Variants in PLCB1 observed in about 807,000 individuals in gnomAD.
The protein encoded by PLCB1 is 1-phosphatidylinositol 4,5-bisphosphate phosphodiesterase beta-1.
PLCB1 carries 46 observed loss-of-function variants against 161.8 expected under a neutral mutation model. The ratio of observed to expected loss-of-function variants is 0.28; its 90% CI spans 0.22 to 0.36. The LOEUF is 0.36. Among genes scored for constraint, PLCB1 ranks in the 10% least tolerant of loss-of-function variants. The pLI, the probability that PLCB1 is intolerant of heterozygous loss-of-function variation, is 1.00. For synonymous variants in PLCB1, 517 were observed against 503.7 expected (o/e 1.03, Z -0.35); for missense variants, 1,016 against 1,472.5 (o/e 0.69, Z 5.07).
At chr20:8,748,652 TA>T (rs1236268786) in intron 23 of PLCB1, among the ~76,000 whole-genome samples, 1 of 152,184 alleles carries the variant, frequency 6.6e-6, no homozygotes, top group African/African-American at 2.4e-5. Flanking sequence ...TCTCAAGTTT[TA>T]ATGTGCATAC....
At chr20:8,296,806 G>C (rs1160090315) in intron 2 of PLCB1, among the ~76,000 whole-genome samples, 6 of 152,080 alleles carry the variant, frequency 3.9e-5, no homozygotes, top group Admixed American at 2.0e-4. Flanking sequence ...CCTAGAGAAA[G>C]GTTATGAAAA....
chr20:8,230,775 G>A (rs376808788), intron 2 of PLCB1, among the ~76,000 whole-genome samples: 1 of 152,136 alleles, frequency 6.6e-6, no homozygotes, highest in East Asian at 1.9e-4. Flanking sequence ...GTTGGACAGT[G>A]TAGATACAGA....
chr20:8,727,534 T>A, intron 17 of PLCB1, 141 bp downstream of exon 17: 1 of 543,536 alleles, frequency 1.8e-6, no homozygotes, highest in Non-Finnish European at 3.3e-6. Context: ...GTTTCAGGTA[T>A]CATATACAAT....
intron 3 of PLCB1, among the ~76,000 whole-genome samples, chr20:8,536,012 A>G (rs1472872976): frequency 6.6e-6 from 1 of 151,846 alleles, no homozygotes; most frequent in East Asian, 1.9e-4. Flanking sequence ...TCCCTCCTGA[A>G]GTTATACAAG....
intron 9 of PLCB1, among the ~76,000 whole-genome samples, chr20:8,673,242 AG>A (rs1423804977): frequency 1.3e-5 from 2 of 152,004 alleles, no homozygotes; most frequent in Non-Finnish European, 2.9e-5. Flanking sequence ...AAATTCTACC[AG>A]GGCTGAGCAA....
At chr20:8,512,350 T>C (rs1983924868) in intron 3 of PLCB1, among the ~76,000 whole-genome samples, 1 of 152,154 alleles carries the variant, frequency 6.6e-6, no homozygotes, top group Non-Finnish European at 1.5e-5. Flanking sequence ...TAAGTAATTT[T>C]CATGTATTTC....
rs562077899 is a variant in PLCB1 at position 8,763,971 on chromosome 20, G to A, written c.2711-1168G>A. 3.3e-5 allele frequency among the ~76,000 whole-genome samples: 5 copies of A among 151,962 alleles called. No individual in the cohort carries two copies. In the South Asian group the frequency reaches 8.3e-4, roughly 25 times the overall value. On this transcript the variant is annotated intron_variant, in intron 25 of 31. Transcript: ENST00000338037. The stretch of plus-strand genomic sequence containing the variant: ...CTTGAGGCTGGGAGTTTGAGACCAG[G>A]CTGGCCAACATGGCGAAACCCCGTC...
chr20:8,814,608 T>TGTGC (rs1555792473), intron 31 of PLCB1, among the ~76,000 whole-genome samples: 1 of 151,512 alleles, frequency 6.6e-6, no homozygotes, highest in Non-Finnish European at 1.5e-5. Flanking sequence ...TGTGTGTGTG[T>TGTGC]GTAAACATAT....
At chr20:8,455,429 C>CCT (rs1215553028) in intron 3 of PLCB1, among the ~76,000 whole-genome samples, 50 of 139,440 alleles carry the variant, frequency 3.6e-4, no homozygotes, top group African/African-American at 1.3e-3. Flanking sequence ...AAGTATTCTT[C>CCT]CTCTTTTTTT....
intron 2 of PLCB1, among the ~76,000 whole-genome samples, chr20:8,210,502 A>G (rs1978765805): frequency 1.3e-5 from 2 of 152,142 alleles, no homozygotes; most frequent in Non-Finnish European, 2.9e-5. Flanking sequence ...ATTTACCAGC[A>G]TTGGAGTCTT....
At chr20:8,450,301 A>C (rs1981015055) in intron 3 of PLCB1, among the ~76,000 whole-genome samples, 1 of 152,180 alleles carries the variant, frequency 6.6e-6, no homozygotes, top group African/African-American at 2.4e-5. Context: ...CTGATATTTA[A>C]TTTGAATGGA....
At position 8,750,470 on chromosome 20, in the gene PLCB1, G is replaced by A. The variant is rs182852749; in HGVS notation, c.2524-6576G>A. 2.3e-3 allele frequency among the ~76,000 whole-genome samples: 349 copies of A among 152,150 alleles called. 2 individuals are homozygous for A. Among genetic ancestry groups the A allele is most frequent in the Admixed American group, 0.02 (307 of 15,290 alleles). On this transcript the variant is annotated intron_variant, in intron 23 of 31. Transcript: ENST00000338037. ...AGGAACACCTATATATCAGCCACCC[G>A]GATTCCATAATTAAAATTTTGATGC... is the stretch of plus-strand genomic sequence containing the variant.
intron 31 of PLCB1, among the ~76,000 whole-genome samples, chr20:8,803,619 C>G (rs531547127): frequency 6.6e-6 from 1 of 152,142 alleles, no homozygotes; most frequent in Admixed American, 6.5e-5. Flanking sequence ...CATATAATAT[C>G]AATTTCTGGC....
intron 3 of PLCB1, among the ~76,000 whole-genome samples, chr20:8,598,431 G>C (rs1987414081): frequency 6.6e-6 from 1 of 150,854 alleles, no homozygotes; most frequent in Non-Finnish European, 1.5e-5. Flanking sequence ...TCTTAATTCT[G>C]AGTTCTAGTT....
intron 3 of PLCB1, among the ~76,000 whole-genome samples, chr20:8,495,667 G>A (rs1568698880): frequency 1.3e-5 from 1 of 76,760 alleles, no homozygotes; most frequent in Non-Finnish European, 3.0e-5. Context: ...GAAGTGCTGG[G>A]ATTACAGGCG....
At chr20:8,571,623 T>C (rs1007280430) in intron 3 of PLCB1, among the ~76,000 whole-genome samples, 10 of 151,932 alleles carry the variant, frequency 6.6e-5, no homozygotes, top group African/African-American at 2.2e-4. Flanking sequence ...TAATAGAGGA[T>C]TGAGAGGAAT....
At chr20:8,849,694 T>A (rs1986820180) in intron 31 of PLCB1, among the ~76,000 whole-genome samples, 1 of 136,740 alleles carries the variant, frequency 7.3e-6, no homozygotes, top group Admixed American at 8.0e-5. Context: ...AAAATTAAAT[T>A]AAAAATTAAA....
At chr20:8,178,124 T>A (rs1226894861) in intron 2 of PLCB1, among the ~76,000 whole-genome samples, 2 of 152,194 alleles carry the variant, frequency 1.3e-5, no homozygotes, top group Non-Finnish European at 1.5e-5. Flanking sequence ...TGGTTTCATG[T>A]CTTTGTTTTT....
At chr20:8,315,734 G>C (rs1255635743) in intron 2 of PLCB1, among the ~76,000 whole-genome samples, 1 of 151,960 alleles carries the variant, frequency 6.6e-6, no homozygotes, top group Non-Finnish European at 1.5e-5. Flanking sequence ...CTGCTATTCT[G>C]CCCCAAGACA....
Sources: gnomAD v4.1 joint callset for allele counts (sites outside exome capture counted in the v4.1 genomes callset) on GRCh38, gnomAD v4.1.1 for gene constraint, MANE v1.5 for transcripts, NCBI Gene and HGNC (gene_info 2026-07-23, HGNC 2026-07-21) for gene names.